The following PCGF6 variants were observed in gnomAD, a reference collection of about 807,000 sequenced individuals.
The protein encoded by PCGF6 is polycomb group ring finger 6.
PCGF6 carries 24 observed loss-of-function variants against 45.5 expected under a neutral mutation model. The observed-to-expected ratio is 0.53, with a 90% CI of 0.38 to 0.74. PCGF6 has a LOEUF of 0.74. Among genes scored for constraint, PCGF6 ranks in the 30% least tolerant of loss-of-function variants. The pLI is 0.00. For missense variants in PCGF6, 356 were observed against 443.2 expected, an observed-to-expected ratio of 0.80 and a Z score of 1.77; for synonymous variants, 152 against 162.1, an observed-to-expected ratio of 0.94 and a Z score of 0.47.
At chr10:103,322,525 C>G (rs577020829) in intron 8 of PCGF6, among the ~76,000 whole-genome samples, 3 of 150,846 alleles carry the variant, frequency 2.0e-5, no homozygotes, top group African/African-American at 7.3e-5. Flanking sequence ...TTGTTTCTGT[C>G]AATTAAAAAA....
chr10:103,342,618 T>C (rs2093285023), intron 6 of PCGF6, among the ~76,000 whole-genome samples: 1 of 152,150 alleles, frequency 6.6e-6, no homozygotes, highest in Admixed American at 6.6e-5. Context: ...CATCCTCTTT[T>C]TAAAAAACTT....
chr10:103,314,846 T>G (rs949376064), intron 8 of PCGF6, among the ~76,000 whole-genome samples: 3 of 150,618 alleles, frequency 2.0e-5, no homozygotes, highest in African/African-American at 7.4e-5. Context: ...TCCCAGCTAC[T>G]TGGGAGGCTG....
In PCGF6 at chr10:103,350,818, CTCCTCG is replaced by C. The variant is rs779675045; in HGVS notation, c.243_248del (p.Asp81_Glu82del). On this transcript the variant is annotated inframe_deletion, in exon 1 of 10. Transcript: ENST00000369847. ...CCTCCAGCTCCTCTTCTTCTTCCAACTCCTCGTCCTCGTCCTCGAAGCGGCCTCTGA... is the reference window on the plus strand; with the variant it reads ...CCTCCAGCTCCTCTTCTTCTTCCAACTCCTCGTCCTCGAAGCGGCCTCTGA... 3 of 1,550,442 alleles carry C rather than the reference CTCCTCG, an allele frequency of 1.9e-6. No homozygotes were observed. The highest frequency in any genetic ancestry group is 1.4e-5 in the African/African-American group (1 of 72,766).
intron 9 of PCGF6, among the ~76,000 whole-genome samples, chr10:103,311,611 G>A (rs535866053): frequency 1.3e-5 from 2 of 151,026 alleles, no homozygotes; most frequent in East Asian, 2.0e-4. Flanking sequence ...GCACCTAGCC[G>A]CATTTCTTGT....
At chr10:103,308,123 T>A (rs1188149761) in intron 9 of PCGF6, among the ~76,000 whole-genome samples, 1 of 151,890 alleles carries the variant, frequency 6.6e-6, no homozygotes, top group Non-Finnish European at 1.5e-5. Flanking sequence ...AGGGGAAAAG[T>A]GGGGTTGGAG....
intron 8 of PCGF6, among the ~76,000 whole-genome samples, chr10:103,321,761 T>C (rs1332346251): frequency 1.3e-5 from 2 of 152,160 alleles, no homozygotes; most frequent in Non-Finnish European, 1.5e-5. Context: ...AATTGCTGAA[T>C]AGAAATTTCA....
intron 8 of PCGF6, among the ~76,000 whole-genome samples, chr10:103,319,253 G>A (rs990870142): frequency 5.3e-5 from 8 of 152,046 alleles, no homozygotes; most frequent in Admixed American, 5.2e-4. Flanking sequence ...GGGTTCAAGC[G>A]ATTCTCCTGC....
intron 6 of PCGF6, among the ~76,000 whole-genome samples, chr10:103,336,800 G>A (rs1335932452): frequency 2.6e-5 from 4 of 152,098 alleles, no homozygotes; most frequent in Admixed American, 6.6e-5. Context: ...ACTTGAACCC[G>A]GGAGGCGGAG....
chr10:103,332,940 C>T (rs927564007), intron 7 of PCGF6, among the ~76,000 whole-genome samples: 2 of 151,958 alleles, frequency 1.3e-5, no homozygotes, highest in African/African-American at 4.8e-5. Context: ...CATGGTGAAA[C>T]ACCGTCTCTA....
intron 6 of PCGF6, among the ~76,000 whole-genome samples, chr10:103,339,864 CACAA>C (rs1564733313): frequency 4.5e-5 from 5 of 111,516 alleles, no homozygotes; most frequent in East Asian, 5.6e-4. Context: ...CACACACACA[CACAA>C]AAGCATCTTA....
chr10:103,303,633 T>C lies in PCGF6; in HGVS notation c.*272A>G. ...TCAAAGATGGGAAGCAAAATCAATG[T>C]CAAGGTATTTAAAATCATAAGAAAT... is the stretch of plus-strand genomic sequence containing the variant. On this transcript the variant is annotated 3_prime_UTR_variant, in exon 10 of 10. Coordinates refer to ENST00000369847, the MANE Select transcript of PCGF6 (RefSeq NM_001011663.2). 3.4e-6 allele frequency: 1 copy of C among 295,192 alleles called. No individual in the cohort carries two copies. 18.3% of individuals were successfully genotyped at this position (295,192 alleles called of 1,614,324 possible). A position where few individuals can be genotyped will look rare whatever the true frequency, so the allele number is the denominator to read the frequency against.
At chr10:103,337,272 C>T (rs1007308589) in intron 6 of PCGF6, among the ~76,000 whole-genome samples, 1 of 152,156 alleles carries the variant, frequency 6.6e-6, no homozygotes, top group Admixed American at 6.6e-5. Flanking sequence ...TATCACACAT[C>T]TCCTAAGACT....
At chr10:103,328,560 T>C (rs2093227792) in intron 7 of PCGF6, among the ~76,000 whole-genome samples, 1 of 152,170 alleles carries the variant, frequency 6.6e-6, no homozygotes, top group Non-Finnish European at 1.5e-5. Flanking sequence ...AACTTGTCTG[T>C]GTCTCTATTT....
chr10:103,349,803 C>CTG (rs1298456725), intron 1 of PCGF6, among the ~76,000 whole-genome samples: 3 of 149,824 alleles, frequency 2.0e-5, no homozygotes, highest in Non-Finnish European at 4.4e-5. Context: ...GATCTTTACG[C>CTG]TGGGCGCAGT....
At chr10:103,350,235 C>CA (rs1278170606) in intron 1 of PCGF6, among the ~76,000 whole-genome samples, 2 of 148,546 alleles carry the variant, frequency 1.3e-5, no homozygotes, top group Non-Finnish European at 3.0e-5. Context: ...AGTTCGAGAA[C>CA]AGCCTGGGAA....
intron 6 of PCGF6, among the ~76,000 whole-genome samples, chr10:103,341,600 C>T (rs564345726): frequency 6.7e-4 from 102 of 151,410 alleles, no homozygotes; most frequent in Non-Finnish European, 1.1e-3. Context: ...CCACCACATC[C>T]AGCTTTTTTT....
intron 6 of PCGF6, among the ~76,000 whole-genome samples, chr10:103,339,858 CACACACACAA>C (rs1196385475): frequency 1.8e-5 from 2 of 110,986 alleles, no homozygotes; most frequent in Admixed American, 9.7e-5. Flanking sequence ...CACACACACA[CACACACACAA>C]AAGCATCTTA....
chr10:103,337,499 C>A (rs1000277723), intron 6 of PCGF6, among the ~76,000 whole-genome samples: 4 of 152,142 alleles, frequency 2.6e-5, no homozygotes, highest in Non-Finnish European at 5.9e-5. Context: ...AGTTACATCC[C>A]AAGGGTTACC....
At chr10:103,327,239 C>T (rs1227970497) in intron 7 of PCGF6, among the ~76,000 whole-genome samples, 1 of 152,064 alleles carries the variant, frequency 6.6e-6, no homozygotes. Flanking sequence ...GAGCCAAGAT[C>T]GTGCCATTGT....
Sources: gnomAD v4.1 joint callset for allele counts (sites outside exome capture counted in the v4.1 genomes callset) on GRCh38, gnomAD v4.1.1 for gene constraint, MANE v1.5 for transcripts, NCBI Gene and HGNC (gene_info 2026-07-23, HGNC 2026-07-21) for gene names.